The following RFTN1 variants were observed in gnomAD, a reference collection of about 807,000 sequenced individuals.
The protein encoded by RFTN1 is raftlin, lipid raft linker 1.
In RFTN1, 26 loss-of-function variants were observed where a neutral mutation model predicts 46.5. The ratio of observed to expected loss-of-function variants is 0.56; its 90% CI spans 0.41 to 0.78. The LOEUF (loss-of-function observed/expected upper bound fraction) is 0.78, where lower values mean the gene tolerates loss of function less well. Ranked by LOEUF, RFTN1 falls within the 30% of genes least tolerant of loss-of-function variation. The pLI is 0.00. For missense variants in RFTN1, 693 were observed against 718.7 expected, an observed-to-expected ratio of 0.96 and a Z score of 0.41; for synonymous variants, 261 against 284.2, an observed-to-expected ratio of 0.92 and a Z score of 0.82.
intron 4 of RFTN1, among the ~76,000 whole-genome samples, chr3:16,396,321 C>G (rs980552203): frequency 6.6e-6 from 1 of 151,216 alleles, no homozygotes; most frequent in Non-Finnish European, 1.5e-5. Context: ...CAGGATTTTT[C>G]TCTGTCACCC....
chr3:16,393,970 T>C (rs1490971139), intron 4 of RFTN1, among the ~76,000 whole-genome samples: 1 of 152,134 alleles, frequency 6.6e-6, no homozygotes, highest in Non-Finnish European at 1.5e-5. Flanking sequence ...GACTTTTTTT[T>C]AAGGAGGAAA....
Position 16,316,981 on chromosome 3 carries a change from C to A in RFTN1, c.1584G>T (p.Gly528=), listed in dbSNP as rs761070522. 6.2e-7 allele frequency: 1 copy of A among 1,613,944 alleles called. No individual in the cohort carries two copies. The highest frequency in any genetic ancestry group is 8.5e-7 in the Non-Finnish European group (1 of 1,180,018). Residue 528 remains glycine (G), a synonymous_variant, in exon 10 of 10, where the codon GGG becomes GGT. Coordinates refer to ENST00000334133, the MANE Select transcript of RFTN1 (RefSeq NM_015150.2). This position sits in a 1 kb window ranked among gnomAD's most constrained non-coding sequence, Gnocchi z 4.5. ...EQLSPGGLLC[G]VGVEGEAVQN... is the part of the protein sequence containing the mutation. ...GCACAGCCTCACCCTCCACACCCACCCCACACAGCAGGCCACCAGGGGACA... is the reference window on the plus strand; with the variant it reads ...GCACAGCCTCACCCTCCACACCCACACCACACAGCAGGCCACCAGGGGACA...
At chr3:16,366,677 TA>T (rs2073197450) in intron 6 of RFTN1, among the ~76,000 whole-genome samples, 1 of 152,370 alleles carries the variant, frequency 6.6e-6, no homozygotes, top group South Asian at 2.1e-4. Flanking sequence ...GACAATGACA[TA>T]ATGTCTCTGT....
rs1452660532 is a variant in RFTN1, at chr3:16,483,246, C to A, written c.145+10479G>T. 6.6e-6 allele frequency among the ~76,000 whole-genome samples: 1 copy of A among 152,144 alleles called. No individual in the cohort carries two copies. The highest frequency in any genetic ancestry group is 1.5e-5 in the Non-Finnish European group (1 of 68,022). ...ATCTAAAGGAACCCCATGGTGAAAC[C>A]CACTTTAAACCAAGAATCCTCCTGT... is the stretch of plus-strand genomic sequence containing the variant. On this transcript the variant is annotated intron_variant, in intron 2 of 9. Transcript: ENST00000334133. The surrounding 1 kb of genome is among the most constrained non-coding windows in gnomAD (Gnocchi z 4.8).
chr3:16,415,430 T>TATATATATATACACACACAC, intron 3 of RFTN1, among the ~76,000 whole-genome samples: 1 of 114,272 alleles, frequency 8.8e-6, no homozygotes, highest in South Asian at 2.9e-4. Flanking sequence ...TATATATATA[T>TATATATATATACACACACAC]ACACACACAC....
At chr3:16,368,564 G>A (rs1336607146) in intron 6 of RFTN1, among the ~76,000 whole-genome samples, 7 of 151,962 alleles carry the variant, frequency 4.6e-5, no homozygotes, top group Non-Finnish European at 8.8e-5. Flanking sequence ...CCAGCTACTC[G>A]GGAGGCTGAG....
In RFTN1 at chr3:16,374,959, A is replaced by G. The variant is rs1346732228; in HGVS notation, c.826+2759T>C. ...TGCTTCCGCATGGAGAATCCACTGG[A>G]AAGTCCTGTCTGAGCAGGCATTGCC... On this transcript the variant is annotated intron_variant, in intron 5 of 9. Coordinates refer to ENST00000334133, the MANE Select transcript of RFTN1 (RefSeq NM_015150.2). The surrounding 1 kb of genome is among the most constrained non-coding windows in gnomAD (Gnocchi z 5.4). Among the ~76,000 whole-genome samples the G allele has an allele frequency of 2.0e-5, 3 of 152,172 alleles. No individual in the cohort carries two copies. The highest frequency in any genetic ancestry group is 4.4e-5 in the Non-Finnish European group (3 of 68,020).
In RFTN1 at chr3:16,421,708, G is replaced by A. The variant is rs531921763; in HGVS notation, c.332+12143C>T. Among the ~76,000 whole-genome samples the A allele has an allele frequency of 3.9e-5, 6 of 152,168 alleles. No homozygotes were observed. Among genetic ancestry groups the A allele is most frequent in the African/African-American group, 1.4e-4 (6 of 41,436 alleles). ...ACAAAGCTCTTATGGGCAGAGACGGGTCAGTGTAGCCATTTCCACATGAGA... is the reference window on the plus strand; with the variant it reads ...ACAAAGCTCTTATGGGCAGAGACGGATCAGTGTAGCCATTTCCACATGAGA... On this transcript the variant is annotated intron_variant, in intron 3 of 9. Coordinates refer to ENST00000334133, the MANE Select transcript of RFTN1 (RefSeq NM_015150.2). The surrounding 1 kb of genome is among the most constrained non-coding windows in gnomAD (Gnocchi z 4.6).
Position 16,317,542 on chromosome 3 carries a change from C to T in RFTN1, c.1333-310G>A, listed in dbSNP as rs1396999630. On this transcript the variant is annotated intron_variant, in intron 9 of 9. Coordinates refer to ENST00000334133, the MANE Select transcript of RFTN1 (RefSeq NM_015150.2). This position sits in a 1 kb window ranked among gnomAD's most constrained non-coding sequence, Gnocchi z 4.3. Reference sequence around the variant, plus strand: ...CACATAGGAAAGGGCTCCTAAAGTCCTATCATTTGGAGGGCCAGGATGGAG... The same window carrying T: ...CACATAGGAAAGGGCTCCTAAAGTCTTATCATTTGGAGGGCCAGGATGGAG... Among the ~76,000 whole-genome samples the T allele has an allele frequency of 6.6e-6, 1 of 152,170 alleles. No homozygotes were observed. Among genetic ancestry groups the T allele is most frequent in the African/African-American group, 2.4e-5 (1 of 41,438 alleles).
chr3:16,500,448 CT>C lies in RFTN1; in HGVS notation c.-8-6572del, dbSNP rs1255116612. Among the ~76,000 whole-genome samples, 1 of 152,184 alleles carries C rather than the reference CT, an allele frequency of 6.6e-6. No individual in the cohort carries two copies. The highest frequency in any genetic ancestry group is 1.5e-5 in the Non-Finnish European group (1 of 68,036). On this transcript the variant is annotated intron_variant, in intron 1 of 9. Coordinates refer to ENST00000334133, the MANE Select transcript of RFTN1 (RefSeq NM_015150.2). The surrounding 1 kb of genome is among the most constrained non-coding windows in gnomAD (Gnocchi z 5.9). ...CAAAGGTAGAGGAAATGGAAGAGGT[CT>C]TTCCCCATTTCTATGGTGAAACAGT...
rs2076396725 is a variant in RFTN1 at position 16,483,249 on chromosome 3, C to T, written c.145+10476G>A. Among the ~76,000 whole-genome samples, 1 of 152,240 alleles carries T rather than the reference C, an allele frequency of 6.6e-6. No individual in the cohort carries two copies. The highest frequency in any genetic ancestry group is 2.4e-5 in the African/African-American group (1 of 41,450). Reference sequence around the variant, plus strand: ...TAAAGGAACCCCATGGTGAAACCCACTTTAAACCAAGAATCCTCCTGTAAT... The same window carrying T: ...TAAAGGAACCCCATGGTGAAACCCATTTTAAACCAAGAATCCTCCTGTAAT... On this transcript the variant is annotated intron_variant, in intron 2 of 9. Transcript: ENST00000334133. This position sits in a 1 kb window ranked among gnomAD's most constrained non-coding sequence, Gnocchi z 4.8.
intron 6 of RFTN1, among the ~76,000 whole-genome samples, chr3:16,369,203 A>G (rs2073383637): frequency 6.6e-6 from 1 of 152,250 alleles, no homozygotes; most frequent in Non-Finnish European, 1.5e-5. Context: ...CAAGGATTGC[A>G]AACAATGTAG....
At chr3:16,415,727 T>TGGAAGCAA (rs905074666) in intron 3 of RFTN1, among the ~76,000 whole-genome samples, 1 of 152,158 alleles carries the variant, frequency 6.6e-6, no homozygotes, top group East Asian at 1.9e-4. Flanking sequence ...TTTGTTTTCC[T>TGGAAGCAA]GGAAGCAAGG....
intron 4 of RFTN1, among the ~76,000 whole-genome samples, chr3:16,391,246 G>C (rs1019133958): frequency 6.6e-6 from 1 of 152,158 alleles, no homozygotes; most frequent in African/African-American, 2.4e-5. Flanking sequence ...AATTAGATGG[G>C]AAACCTCAGT....
chr3:16,401,281 G>A (rs1377704571), intron 4 of RFTN1, among the ~76,000 whole-genome samples: 2 of 150,232 alleles, frequency 1.3e-5, no homozygotes, highest in Non-Finnish European at 3.0e-5. Context: ...CTGTTATTGT[G>A]CCACTGTACT....
rs569811812 is a variant in RFTN1 at position 16,370,616 on chromosome 3, G to A, written c.827-337C>T. On this transcript the variant is annotated intron_variant, in intron 5 of 9. Coordinates refer to ENST00000334133, the MANE Select transcript of RFTN1 (RefSeq NM_015150.2). The surrounding 1 kb of genome is among the most constrained non-coding windows in gnomAD (Gnocchi z 5.5). ...AGATGGTTCTAGAAATTCATACAAA[G>A]ATGTGTTTTAGAAATAAAAGCAGAC... Among the ~76,000 whole-genome samples the A allele has an allele frequency of 3.3e-5, 5 of 152,302 alleles. 1 individual carries two copies. In the Middle Eastern group the frequency reaches 0.01, roughly 311 times the overall value.
intron 9 of RFTN1, among the ~76,000 whole-genome samples, chr3:16,323,147 T>G (rs2069271799): frequency 6.6e-6 from 1 of 152,084 alleles, no homozygotes; most frequent in African/African-American, 2.4e-5. Context: ...CTCTCCTCCA[T>G]CCTTCTGGCC....
chr3:16,357,826 C>T, intron 7 of RFTN1, 106 bp downstream of exon 7: 2 of 726,478 alleles, frequency 2.8e-6, no homozygotes, highest in Non-Finnish European at 2.4e-6. Flanking sequence ...AACTCCCTCT[C>T]AGAAGAAAGC....
intron 2 of RFTN1, among the ~76,000 whole-genome samples, chr3:16,486,796 T>C (rs1288269116): frequency 6.6e-6 from 1 of 152,226 alleles, no homozygotes; most frequent in African/African-American, 2.4e-5. Flanking sequence ...CTGAATTGTG[T>C]CCTTCCAAAT....
Sources: allele counts gnomAD v4.1 joint callset (sites outside exome capture counted in the v4.1 genomes callset), GRCh38; gene constraint gnomAD v4.1.1; non-coding constraint Gnocchi (gnomAD v3.1); transcripts MANE v1.5; gene names NCBI Gene and HGNC (gene_info 2026-07-23, HGNC 2026-07-21).